GADL1: variants seen among roughly 807,000 people sequenced by gnomAD.
The protein encoded by GADL1 is GAD like acidic amino acid decarboxylase 1, also known as acidic amino acid decarboxylase GADL1.
In GADL1, 71 loss-of-function variants were observed where a neutral mutation model predicts 69.5. The observed-to-expected ratio is 1.02, with a 90% CI of 0.84 to 1.25. The LOEUF (loss-of-function observed/expected upper bound fraction) is 1.25. Ranked by LOEUF, GADL1 falls within the 50% of genes most tolerant of loss-of-function variation. The probability of loss-of-function intolerance (pLI) is 0.00; values close to 1 mark genes in which losing one functional copy is unlikely to be tolerated. For synonymous variants in GADL1, 254 were observed against 214.4 expected (o/e 1.18, Z -1.62); for missense variants, 737 against 631.8 (o/e 1.17, Z -1.79).
intron 1 of GADL1, among the ~76,000 whole-genome samples, chr3:30,883,697 T>C (rs1488465478): frequency 6.6e-6 from 1 of 152,034 alleles, no homozygotes; most frequent in African/African-American, 2.4e-5. Flanking sequence ...ATTTGGGTTT[T>C]GATAAAGATT....
chr3:30,823,886 C>A (rs1177928135), intron 11 of GADL1, among the ~76,000 whole-genome samples: 2 of 151,642 alleles, frequency 1.3e-5, no homozygotes, highest in African/African-American at 4.8e-5. Context: ...TTAGATACAG[C>A]TGAAGAGAAA....
intron 11 of GADL1, among the ~76,000 whole-genome samples, chr3:30,802,731 A>G (rs893567208): frequency 6.6e-6 from 1 of 152,224 alleles, no homozygotes; most frequent in African/African-American, 2.4e-5. Flanking sequence ...ATTTTATACT[A>G]CAGAGAAATT....
chr3:30,887,681 C>T (rs902902439), intron 1 of GADL1, among the ~76,000 whole-genome samples: 2 of 151,920 alleles, frequency 1.3e-5, no homozygotes, highest in African/African-American at 4.8e-5. Flanking sequence ...AATGTTGAAC[C>T]GTGAGCACAA....
At chr3:30,763,864 A>G (rs1043483795) in intron 14 of GADL1, among the ~76,000 whole-genome samples, 3 of 152,032 alleles carry the variant, frequency 2.0e-5, no homozygotes, top group African/African-American at 7.2e-5. Context: ...AAGATATCAG[A>G]AAATATCACC....
Position 30,849,604 on chromosome 3 carries a change from T to C in GADL1, c.651+392A>G, listed in dbSNP as rs575019865. Among the ~76,000 whole-genome samples, 5 of 152,224 alleles carry C rather than the reference T, an allele frequency of 3.3e-5. No homozygotes were observed. The South Asian group carries it at 1.0e-3, about 32-fold the overall frequency. On this transcript the variant is annotated intron_variant, in intron 6 of 14. Coordinates refer to ENST00000282538, the MANE Select transcript of GADL1 (RefSeq NM_207359.3). ...CTTTCTTTTCCCTGGAAAAGTAAGA[T>C]ACACATCCCTTATATTAGCCAATCA... is the stretch of plus-strand genomic sequence containing the variant.
chr3:30,822,431 G>A (rs565398598), intron 11 of GADL1, among the ~76,000 whole-genome samples: 2 of 152,140 alleles, frequency 1.3e-5, no homozygotes, highest in East Asian at 1.9e-4. Context: ...AATGATGGCC[G>A]TGATTAAAGA....
intron 14 of GADL1, among the ~76,000 whole-genome samples, chr3:30,760,089 G>T (rs763728489): frequency 1.7e-4 from 26 of 152,166 alleles, no homozygotes; most frequent in Admixed American, 5.2e-4. Flanking sequence ...TTGTTTCACA[G>T]TATTGTCAAT....
intron 1 of GADL1, among the ~76,000 whole-genome samples, chr3:30,864,133 T>C (rs529238810): frequency 4.1e-4 from 63 of 152,112 alleles, no homozygotes; most frequent in African/African-American, 1.5e-3. Flanking sequence ...GAAGGTACTT[T>C]CCTCTCCTCC....
intron 11 of GADL1, among the ~76,000 whole-genome samples, chr3:30,804,198 T>A (rs1203101215): frequency 6.6e-6 from 1 of 152,172 alleles, no homozygotes; most frequent in Non-Finnish European, 1.5e-5. Flanking sequence ...CTAAGTAATA[T>A]CCATCATCAG....
At chr3:30,791,289 A>C (rs1223546080) in intron 12 of GADL1, among the ~76,000 whole-genome samples, 2 of 152,184 alleles carry the variant, frequency 1.3e-5, no homozygotes, top group Non-Finnish European at 1.5e-5. Context: ...CAATCTGTTA[A>C]CTCAAAAGCT....
At chr3:30,791,638 G>A (rs1696918781) in intron 12 of GADL1, among the ~76,000 whole-genome samples, 1 of 152,102 alleles carries the variant, frequency 6.6e-6, no homozygotes, top group African/African-American at 2.4e-5. Context: ...TGCTAACCAT[G>A]TAGATCTGGG....
At chr3:30,766,511 CT>C (rs1217478048) in intron 14 of GADL1, among the ~76,000 whole-genome samples, 9 of 152,168 alleles carry the variant, frequency 5.9e-5, no homozygotes, top group African/African-American at 2.2e-4. Flanking sequence ...TTTACATGTA[CT>C]ATCCTATTTA....
chr3:30,760,791 A>G (rs945922781), intron 14 of GADL1, among the ~76,000 whole-genome samples: 1 of 152,078 alleles, frequency 6.6e-6, no homozygotes, highest in Admixed American at 6.6e-5. Context: ...ACTTCTCCAC[A>G]TGTTTTTCTT....
At chr3:30,834,763 C>T (rs1697846895) in intron 9 of GADL1, among the ~76,000 whole-genome samples, 1 of 152,000 alleles carries the variant, frequency 6.6e-6, no homozygotes, top group African/African-American at 2.4e-5. Flanking sequence ...AAAATTAGAT[C>T]ATTTTAGCTA....
intron 1 of GADL1, among the ~76,000 whole-genome samples, chr3:30,870,371 T>C (rs1698463445): frequency 6.6e-6 from 1 of 151,518 alleles, no homozygotes; most frequent in Admixed American, 6.6e-5. Context: ...GAACAGAAAA[T>C]GCAAGCAATC....
intron 1 of GADL1, among the ~76,000 whole-genome samples, chr3:30,889,170 G>A (rs537087993): frequency 9.1e-4 from 137 of 149,852 alleles, no homozygotes; most frequent in African/African-American, 3.0e-3. Context: ...CAATCATGGC[G>A]GGAGGCAAAG....
intron 13 of GADL1, among the ~76,000 whole-genome samples, chr3:30,782,720 T>C (rs549264966): frequency 6.6e-6 from 1 of 151,760 alleles, no homozygotes; most frequent in Non-Finnish European, 1.5e-5. Flanking sequence ...TTTAAGGGAG[T>C]GCCCTGATGA....
intron 11 of GADL1, among the ~76,000 whole-genome samples, chr3:30,829,148 C>A (rs1697744112): frequency 6.8e-6 from 1 of 146,102 alleles, no homozygotes; most frequent in Admixed American, 6.7e-5. Context: ...ACGCAAATCC[C>A]GCATTTACCT....
chr3:30,854,605 G>A (rs747595211), intron 4 of GADL1, 94 bp downstream of exon 4: 2 of 739,748 alleles, frequency 2.7e-6, no homozygotes, highest in Non-Finnish European at 4.6e-6. Context: ...CTATGCAAAA[G>A]AAACCATTAA....
Sources: gnomAD v4.1 joint callset for allele counts (sites outside exome capture counted in the v4.1 genomes callset) on GRCh38, gnomAD v4.1.1 for gene constraint, MANE v1.5 for transcripts, NCBI Gene and HGNC (gene_info 2026-07-23, HGNC 2026-07-21) for gene names.